KCNJ10: variants seen among roughly 807,000 people sequenced by gnomAD.
KCNJ10 encodes ATP-sensitive inward rectifier potassium channel 10.
KCNJ10 carries 9 observed loss-of-function variants against 22.2 expected under a neutral mutation model. The ratio of observed to expected loss-of-function variants is 0.40; its 90% CI spans 0.24 to 0.71. KCNJ10 has a LOEUF of 0.71. Among genes scored for constraint, KCNJ10 ranks in the 30% least tolerant of loss-of-function variants. The probability of loss-of-function intolerance (pLI) is 0.35; values close to 1 mark genes in which losing one functional copy is unlikely to be tolerated. For missense variants in KCNJ10, 337 were observed against 482.7 expected, an observed-to-expected ratio of 0.70 and a Z score of 2.83; for synonymous variants, 184 against 187.3, an observed-to-expected ratio of 0.98 and a Z score of 0.15.
intron 1 of KCNJ10, among the ~76,000 whole-genome samples, chr1:160,054,455 A>G (rs368158641): frequency 6.6e-6 from 1 of 152,326 alleles, no homozygotes; most frequent in African/African-American, 2.4e-5. Context: ...TCTTAACTGA[A>G]CAGCCAGAAG....
chr1:160,049,069 C>T (rs188699650), intron 1 of KCNJ10, among the ~76,000 whole-genome samples: 13 of 152,222 alleles, frequency 8.5e-5, no homozygotes, highest in South Asian at 4.1e-4. Context: ...CCTTGTTTTA[C>T]GAATGAGGAA....
chr1:160,047,499 T>C (rs1203010814), intron 1 of KCNJ10, among the ~76,000 whole-genome samples: 1 of 152,152 alleles, frequency 6.6e-6, no homozygotes, highest in African/African-American at 2.4e-5. Context: ...CCCCCTGAAC[T>C]CCAACGCAGA....
At chr1:160,069,289 G>A (rs1649395791) in intron 1 of KCNJ10, among the ~76,000 whole-genome samples, 1 of 152,212 alleles carries the variant, frequency 6.6e-6, no homozygotes, top group Non-Finnish European at 1.5e-5. Flanking sequence ...TCTGATGAGA[G>A]GAGGAATGGA....
At chr1:160,049,698 T>TATAC (rs2101928722) in intron 1 of KCNJ10, among the ~76,000 whole-genome samples, 1 of 123,340 alleles carries the variant, frequency 8.1e-6, no homozygotes, top group African/African-American at 3.0e-5. Flanking sequence ...TATATATATA[T>TATAC]ATATATATAT....
chr1:160,053,379 TG>T (rs892036894), intron 1 of KCNJ10, among the ~76,000 whole-genome samples: 23 of 152,138 alleles, frequency 1.5e-4, no homozygotes, highest in African/African-American at 5.1e-4. Flanking sequence ...TAATGAGGGT[TG>T]GGGAAGAGAA....
chr1:160,066,725 G>C (rs891785406), intron 1 of KCNJ10, among the ~76,000 whole-genome samples: 3 of 152,212 alleles, frequency 2.0e-5, no homozygotes, highest in Non-Finnish European at 4.4e-5. Context: ...GCAAGAGAGA[G>C]GTGCAGCAGC....
At position 160,039,502 on chromosome 1, in the gene KCNJ10, G is replaced by A. The variant is rs996400298; in HGVS notation, c.*1891C>T. On this transcript the variant is annotated 3_prime_UTR_variant, in exon 2 of 2. Coordinates refer to ENST00000644903, the MANE Select transcript of KCNJ10 (RefSeq NM_002241.5). ...AATAAAGTTGAGAACGCAGAAGCTG[G>A]CTCTTGGCCTTCTGTTCTCTGTTTC... 4.6e-5 allele frequency: 7 copies of A among 151,804 alleles called. No individual in the cohort carries two copies. The highest frequency in any genetic ancestry group is 1.0e-4 in the Non-Finnish European group (7 of 68,016). 9.4% of individuals were successfully genotyped at this position (151,804 alleles called of 1,614,324 possible).
rs558308435 is a variant in KCNJ10, at chr1:160,064,015, T to C, written c.-1+6007A>G. On this transcript the variant is annotated intron_variant, in intron 1 of 1. Coordinates refer to ENST00000644903, the MANE Select transcript of KCNJ10 (RefSeq NM_002241.5). ...AATTTGCCCATGGCCACATAGCTAG[T>C]GAGTAGTAGAACAGAGGCAGAACTT... Among the ~76,000 whole-genome samples the C allele has an allele frequency of 6.6e-5, 10 of 152,302 alleles. No individual in the cohort carries two copies. The South Asian group carries it at 1.2e-3, about 19-fold the overall frequency.
rs979961092 is a variant in KCNJ10, at chr1:160,039,620, T to C, written c.*1773A>G. The C allele has an allele frequency of 2.0e-5, 3 of 152,230 alleles. No homozygotes were observed. The highest frequency in any genetic ancestry group is 2.0e-4 in the Admixed American group (3 of 15,282). 9.4% of individuals were successfully genotyped at this position (152,230 alleles called of 1,614,324 possible). A position where few individuals can be genotyped will look rare whatever the true frequency, so the allele number is the denominator to read the frequency against. On this transcript the variant is annotated 3_prime_UTR_variant, in exon 2 of 2. Transcript: ENST00000644903. ...GATGGACACCGAAGGGTCTTTGTTT[T>C]CAAGATATAGTTAGTTGAGTTCGAG...
At chr1:160,057,093 A>G (rs1327751657) in intron 1 of KCNJ10, among the ~76,000 whole-genome samples, 1 of 152,214 alleles carries the variant, frequency 6.6e-6, no homozygotes, top group Non-Finnish European at 1.5e-5. Flanking sequence ...CAGCTTCCTC[A>G]TCTAAGGAGG....
chr1:160,043,216 G>T (rs1447134733), intron 1 of KCNJ10, among the ~76,000 whole-genome samples: 2 of 148,042 alleles, frequency 1.4e-5, no homozygotes, highest in African/African-American at 5.0e-5. Context: ...CTTATGAATG[G>T]CTATGAAGCA....
chr1:160,068,077 A>G (rs1318638709), intron 1 of KCNJ10: 1 of 152,346 alleles, frequency 6.6e-6, no homozygotes, highest in East Asian at 1.9e-4. Context: ...ATGTGGTTCA[A>G]TGGGGCACAC....
At chr1:160,051,406 T>A (rs1379945148) in intron 1 of KCNJ10, among the ~76,000 whole-genome samples, 1 of 152,114 alleles carries the variant, frequency 6.6e-6, no homozygotes. Context: ...GTAAAACAAA[T>A]CTTATTATCT....
intron 1 of KCNJ10, among the ~76,000 whole-genome samples, chr1:160,064,521 A>G (rs1445523338): frequency 2.6e-5 from 4 of 152,240 alleles, no homozygotes; most frequent in Non-Finnish European, 4.4e-5. Context: ...GTTAACATGC[A>G]AAAATTAATA....
intron 1 of KCNJ10, among the ~76,000 whole-genome samples, chr1:160,045,430 C>T (rs1182767075): frequency 2.0e-5 from 3 of 152,086 alleles, no homozygotes; most frequent in East Asian, 1.9e-4. Flanking sequence ...CCAAGTCTAA[C>T]AAAAATGTTA....
In KCNJ10 at chr1:160,041,716, C is replaced by A. The variant is rs1648611336; in HGVS notation, c.817G>T (p.Gly273Cys). ...AGCACCAGCTCAAAGTCACCCTCAC[C>A]ACTGCGAAGAGGGAGATCTTTCAAG... ...SPLKDLPLRS[G>C]EGDFELVLIL... Residue 273 changes from glycine to cysteine, a missense_variant, in exon 2 of 2, where the codon GGT (glycine) becomes TGT (cysteine). This residue lies in a region of KCNJ10 where 165 missense variants were observed against 281.5 expected (regional missense o/e 0.59). Coordinates refer to ENST00000644903, the MANE Select transcript of KCNJ10 (RefSeq NM_002241.5). This position sits in a 1 kb window ranked among gnomAD's most constrained non-coding sequence, Gnocchi z 4.4. 2 of 1,614,054 alleles carry A rather than the reference C, an allele frequency of 1.2e-6. No homozygotes were observed. Among genetic ancestry groups the A allele is most frequent in the Admixed American group, 1.7e-5 (1 of 60,004 alleles).
chr1:160,046,301 G>T (rs1197466050), intron 1 of KCNJ10, among the ~76,000 whole-genome samples: 2 of 152,136 alleles, frequency 1.3e-5, no homozygotes, highest in African/African-American at 4.8e-5. Context: ...CATGAGGTAG[G>T]TAAGAAAGAC....
At position 160,040,383 on chromosome 1, in the gene KCNJ10, C is replaced by G; in HGVS notation, c.*1010G>C. The G allele has an allele frequency of 2.5e-6, 1 of 395,954 alleles. No homozygotes were observed. 24.5% of individuals were successfully genotyped at this position (395,954 alleles called of 1,614,324 possible). ...GAGCATCCGTGTTAAGAGAGGAAGG[C>G]CCTTGCATTTTCCCTCCCTTCTCCC... On this transcript the variant is annotated 3_prime_UTR_variant, in exon 2 of 2. Transcript: ENST00000644903.
intron 1 of KCNJ10, among the ~76,000 whole-genome samples, chr1:160,051,017 C>A (rs180998070): frequency 6.6e-6 from 1 of 152,182 alleles, no homozygotes; most frequent in East Asian, 1.9e-4. Flanking sequence ...AATCTCAGCT[C>A]ACTGCAACCT....
Sources: gnomAD v4.1 joint callset for allele counts (sites outside exome capture counted in the v4.1 genomes callset) on GRCh38, gnomAD v4.1.1 for gene constraint, gnomAD v4.1.1 regional missense constraint, Gnocchi (gnomAD v3.1) non-coding constraint, MANE v1.5 for transcripts, NCBI Gene and HGNC (gene_info 2026-07-23, HGNC 2026-07-21) for gene names.